The following TENM4 variants were observed in gnomAD, a reference collection of about 807,000 sequenced individuals.
TENM4 encodes teneurin transmembrane protein 4.
In TENM4, 82 loss-of-function variants were observed where a neutral mutation model predicts 243.3. That is an observed-to-expected ratio of 0.34 (90% confidence interval 0.28 to 0.40). TENM4 has a LOEUF of 0.40. Ranked by LOEUF, TENM4 falls within the 10% of genes least tolerant of loss-of-function variation. TENM4 has a pLI of 1.00. For missense variants in TENM4, 3,138 were observed against 3,673.3 expected (o/e 0.85, Z 3.77); for synonymous variants, 1,412 against 1,456.3 (o/e 0.97, Z 0.69).
intron 1 of TENM4, among the ~76,000 whole-genome samples, chr11:79,302,846 C>T (rs1019046531): frequency 6.6e-6 from 1 of 152,174 alleles, no homozygotes; most frequent in African/African-American, 2.4e-5. Context: ...TTCTCAAACT[C>T]ACCACAAAGC....
chr11:79,320,776 T>C (rs986534776), intron 1 of TENM4, among the ~76,000 whole-genome samples: 1 of 152,178 alleles, frequency 6.6e-6, no homozygotes, highest in Non-Finnish European at 1.5e-5. Context: ...AACACTTACA[T>C]AGTGATTACA....
In TENM4 at chr11:79,019,058, G is replaced by A. The variant is rs1012620012; in HGVS notation, c.493+45680C>T. Among the ~76,000 whole-genome samples the A allele has an allele frequency of 7.2e-5, 11 of 152,138 alleles. No individual in the cohort carries two copies. In the East Asian group the frequency reaches 9.7e-4, roughly 13 times the overall value. On this transcript the variant is annotated intron_variant, in intron 6 of 33. Coordinates refer to ENST00000278550, the MANE Select transcript of TENM4 (RefSeq NM_001098816.3). ...TTTGAATGTCCACTCATGGGGAAGCGAAGCAAAGACTCTACAAAAAATACC... is the reference window on the plus strand; with the variant it reads ...TTTGAATGTCCACTCATGGGGAAGCAAAGCAAAGACTCTACAAAAAATACC...
intron 12 of TENM4, among the ~76,000 whole-genome samples, chr11:78,822,010 C>T (rs1486063902): frequency 6.6e-6 from 1 of 152,176 alleles, no homozygotes. Flanking sequence ...ATATCTGACT[C>T]AAAGCAGGTA....
chr11:79,139,655 G>A (rs71476436), intron 4 of TENM4, among the ~76,000 whole-genome samples: 3 of 60,808 alleles, frequency 4.9e-5, no homozygotes, highest in East Asian at 4.3e-4. Flanking sequence ...ATTTATATAA[G>A]TATATAAAAT....
intron 20 of TENM4, among the ~76,000 whole-genome samples, chr11:78,736,690 T>C (rs1437370679): frequency 6.6e-6 from 1 of 152,190 alleles, no homozygotes; most frequent in Non-Finnish European, 1.5e-5. Context: ...AGGGCAGTGA[T>C]ACCTGTTCAC....
Position 79,101,896 on chromosome 11 carries a change from C to A in TENM4, c.-65-31887G>T, listed in dbSNP as rs376613598. On this transcript the variant is annotated intron_variant, in intron 4 of 33. Transcript: ENST00000278550. ...CAAAACAGGTGGAAAGTGCACTTGG[C>A]AGCTGTCTTCTAGCTCCAGAAGATT... Among the ~76,000 whole-genome samples the A allele has an allele frequency of 2.0e-5, 3 of 152,170 alleles. No individual in the cohort carries two copies. In the East Asian group the frequency reaches 5.8e-4, roughly 29 times the overall value.
At chr11:79,158,885 T>C (rs569418308) in intron 3 of TENM4, among the ~76,000 whole-genome samples, 11 of 152,228 alleles carry the variant, frequency 7.2e-5, no homozygotes, top group Non-Finnish European at 1.6e-4. Flanking sequence ...GGAGAAGTAC[T>C]CCTCCTCAGA....
At chr11:78,737,752 T>C (rs940087971) in intron 20 of TENM4, among the ~76,000 whole-genome samples, 3 of 152,226 alleles carry the variant, frequency 2.0e-5, no homozygotes, top group Non-Finnish European at 4.4e-5. Context: ...ATAGCTAATA[T>C]TTATTGTATA....
At chr11:78,768,427 T>A (rs778657037) in intron 18 of TENM4, among the ~76,000 whole-genome samples, 6 of 152,222 alleles carry the variant, frequency 3.9e-5, no homozygotes, top group Non-Finnish European at 7.3e-5. Context: ...GCATCTGATA[T>A]CAGTTGAATG....
intron 1 of TENM4, among the ~76,000 whole-genome samples, chr11:79,378,555 A>T (rs948209424): frequency 2.6e-5 from 4 of 152,152 alleles, no homozygotes; most frequent in African/African-American, 7.2e-5. Flanking sequence ...ACTCCACCTT[A>T]TGTCCAGACT....
chr11:79,031,559 C>T (rs533085498), intron 6 of TENM4, among the ~76,000 whole-genome samples: 10 of 152,080 alleles, frequency 6.6e-5, no homozygotes, highest in African/African-American at 1.7e-4. Context: ...AATCCAGCAC[C>T]GATCCAGGCA....
intron 4 of TENM4, among the ~76,000 whole-genome samples, chr11:79,129,166 G>A (rs1290968151): frequency 6.6e-6 from 1 of 152,204 alleles, no homozygotes. Context: ...AGCCAATTTA[G>A]AGAGCTGAGC....
At position 79,438,594 on chromosome 11, in the gene TENM4, C is replaced by T. The variant is rs1035393276; in HGVS notation, c.-321+1915G>A. On this transcript the variant is annotated intron_variant, in intron 1 of 33. Coordinates refer to ENST00000278550, the MANE Select transcript of TENM4 (RefSeq NM_001098816.3). This position sits in a 1 kb window ranked among gnomAD's most constrained non-coding sequence, Gnocchi z 4.1. ...CATCTCCAAGGGGGACCAGGCACCG[C>T]GGGCAGGTTTCTAAACACGTGAAGG... Among the ~76,000 whole-genome samples, 13 of 152,240 alleles carry T rather than the reference C, an allele frequency of 8.5e-5. No homozygotes were observed. The highest frequency in any genetic ancestry group is 1.4e-4 in the African/African-American group (6 of 41,554).
chr11:79,134,646 G>C (rs186370791), intron 4 of TENM4, among the ~76,000 whole-genome samples: 1 of 152,230 alleles, frequency 6.6e-6, no homozygotes, highest in Admixed American at 6.5e-5. Context: ...TATAAAAATA[G>C]GCACATAGAC....
At chr11:79,149,608 T>G (rs1009783163) in intron 3 of TENM4, among the ~76,000 whole-genome samples, 2 of 152,150 alleles carry the variant, frequency 1.3e-5, no homozygotes, top group Non-Finnish European at 2.9e-5. Flanking sequence ...CTGTGGTAGG[T>G]GAATATGGTC....
At chr11:78,822,876 G>A (rs1857763664) in intron 12 of TENM4, among the ~76,000 whole-genome samples, 1 of 152,200 alleles carries the variant, frequency 6.6e-6, no homozygotes, top group Non-Finnish European at 1.5e-5. Context: ...GGCAGAGGGG[G>A]AGACGTTTGC....
At position 78,669,384 on chromosome 11, in the gene TENM4, T is replaced by C. The variant is rs1368774392; in HGVS notation, c.6961A>G (p.Thr2321Ala). 1.2e-6 allele frequency: 2 copies of C among 1,613,522 alleles called. No homozygotes were observed. The highest frequency in any genetic ancestry group is 1.3e-5 in the African/African-American group (1 of 74,874). ...TGGTTGTACAGGTGGGTGACCTTGG[T>C]GGGGTTGGTCAGGTCTGCATAGAAG... The part of the protein sequence containing the change: ...QFFYADLTNP[T>A]KVTHLYNHSS... Residue 2321 changes from threonine to alanine, a missense_variant, in exon 32 of 34, where the codon ACC becomes GCC. Thr to Ala is a moderately conservative substitution (Grantham distance 58). Around this residue, in one of 2 missense-constraint regions of TENM4, gnomAD observed 2,467 missense variants for 3,059.1 expected, o/e 0.81. Transcript: ENST00000278550. This position sits in a 1 kb window ranked among gnomAD's most constrained non-coding sequence, Gnocchi z 6.4.
At chr11:78,709,039 C>T (rs1220836753) in intron 26 of TENM4, among the ~76,000 whole-genome samples, 1 of 149,848 alleles carries the variant, frequency 6.7e-6, no homozygotes, top group Non-Finnish European at 1.5e-5. Flanking sequence ...GCGATCTCGG[C>T]TCACTGCAAC....
chr11:78,738,582 G>A lies in TENM4; in HGVS notation c.2757-12C>T. 1 of 1,612,710 alleles carries A rather than the reference G, an allele frequency of 6.2e-7. No homozygotes were observed. The highest frequency in any genetic ancestry group is 2.2e-5 in the East Asian group (1 of 44,862). Reference sequence around the variant, plus strand: ...TAACACAAGCATGCCTGTGGGAAGAGAAGAGAGAATAAACATGATACACCT... The same window carrying A: ...TAACACAAGCATGCCTGTGGGAAGAAAAGAGAGAATAAACATGATACACCT... On this transcript the variant is annotated splice_polypyrimidine_tract_variant and intron_variant, in intron 19 of 33. Coordinates refer to ENST00000278550, the MANE Select transcript of TENM4 (RefSeq NM_001098816.3).
Sources: allele counts gnomAD v4.1 joint callset (sites outside exome capture counted in the v4.1 genomes callset), GRCh38; gene constraint gnomAD v4.1.1; regional missense constraint gnomAD v4.1.1; non-coding constraint Gnocchi (gnomAD v3.1); transcripts MANE v1.5; gene names NCBI Gene and HGNC (gene_info 2026-07-23, HGNC 2026-07-21).